CASR: variants seen among roughly 807,000 people sequenced by gnomAD.
CASR encodes calcium sensing receptor.
In CASR, 23 loss-of-function variants were observed where a neutral mutation model predicts 69.1. The observed-to-expected ratio is 0.33, with a 90% CI of 0.24 to 0.47. The LOEUF is 0.47. CASR is among the 20% of genes least tolerant of loss of function. The pLI, the probability that CASR is intolerant of heterozygous loss-of-function variation, is 1.00. For missense variants in CASR, 924 were observed against 1,356.1 expected, an observed-to-expected ratio of 0.68 and a Z score of 5.00; for synonymous variants, 541 against 544.7, an observed-to-expected ratio of 0.99 and a Z score of 0.10.
chr3:122,263,852 A>G (rs1264389076), intron 4 of CASR, among the ~76,000 whole-genome samples: 1 of 152,146 alleles, frequency 6.6e-6, no homozygotes, highest in Non-Finnish European at 1.5e-5. Context: ...AGGAGTGATG[A>G]TGCTAAGGTA....
At chr3:122,240,835 C>T (rs1182088763) in intron 1 of CASR, among the ~76,000 whole-genome samples, 1 of 152,006 alleles carries the variant, frequency 6.6e-6, no homozygotes, top group African/African-American at 2.4e-5. Context: ...CAAGCATTGT[C>T]TTTGACCACA....
chr3:122,205,634 T>G (rs896682582), intron 1 of CASR, among the ~76,000 whole-genome samples: 1 of 152,132 alleles, frequency 6.6e-6, no homozygotes, highest in Non-Finnish European at 1.5e-5. Flanking sequence ...GGGATTGCAT[T>G]GAATCTGTAA....
At chr3:122,231,957 T>C (rs1288209601) in intron 1 of CASR, among the ~76,000 whole-genome samples, 1 of 152,146 alleles carries the variant, frequency 6.6e-6, no homozygotes. Flanking sequence ...CTCCTGGCTG[T>C]GCACTGGCCT....
At chr3:122,277,382 C>T (rs1576871756) in intron 5 of CASR, among the ~76,000 whole-genome samples, 1 of 152,054 alleles carries the variant, frequency 6.6e-6, no homozygotes, top group Admixed American at 6.5e-5. Flanking sequence ...ACCAAAGACT[C>T]GCTTCGTCTT....
Position 122,257,236 on chromosome 3 carries a change from T to C in CASR, c.341T>C (p.Phe114Ser), listed in dbSNP as rs1553766245. 1 of 1,614,228 alleles carries C rather than the reference T, an allele frequency of 6.2e-7. No individual in the cohort carries two copies. Among genetic ancestry groups the C allele is most frequent in the Non-Finnish European group, 8.5e-7 (1 of 1,180,034 alleles). ...AAGGCCTTGGAAGCCACCCTGAGTT[T>C]TGTTGCTCAAAACAAAATTGATTCT... Reference protein sequence around the residue: ...VSKALEATLSFVAQNKIDSLN... With the variant: ...VSKALEATLSSVAQNKIDSLN... Residue 114 changes from phenylalanine (F) to serine (S), a missense_variant, in exon 3 of 7, where the codon TTT becomes TCT. Coordinates refer to ENST00000639785, the MANE Select transcript of CASR (RefSeq NM_000388.4).
rs766445416 is a variant in CASR, at chr3:122,284,524, T to C, written c.2570T>C (p.Ile857Thr). Residue 857 changes from isoleucine (I) to threonine (T), a missense_variant, in exon 7 of 7, where the codon ATC (isoleucine) becomes ACC (threonine). Physicochemically the swap from Ile to Thr is moderately conservative, Grantham distance 89. This residue lies in a region of CASR where 42 missense variants were observed against 73.2 expected (regional missense o/e 0.57). Transcript: ENST00000639785. Reference sequence around the variant, plus strand: ...CTGGCGTGCATCTTCTTCAACAAGATCTACATCATTCTCTTCAAGCCATCC... The same window carrying C: ...CTGGCGTGCATCTTCTTCAACAAGACCTACATCATTCTCTTCAAGCCATCC... ...GLLACIFFNK[I>T]YIILFKPSRN... is the part of the protein sequence containing the mutation. The C allele has an allele frequency of 1.3e-5, 21 of 1,613,558 alleles. No individual in the cohort carries two copies. The highest frequency in any genetic ancestry group is 1.6e-5 in the Non-Finnish European group (19 of 1,180,052).
intron 1 of CASR, among the ~76,000 whole-genome samples, chr3:122,201,945 A>G (rs951088395): frequency 1.4e-5 from 2 of 148,060 alleles, no homozygotes; most frequent in Non-Finnish European, 3.0e-5. Flanking sequence ...CTGGGCAGCC[A>G]GGCAGAGGGG....
intron 1 of CASR, among the ~76,000 whole-genome samples, chr3:122,230,576 T>C (rs762363919): frequency 2.8e-4 from 42 of 152,090 alleles, no homozygotes; most frequent in Middle Eastern, 3.4e-3. Context: ...TCTCTGTAGG[T>C]GGGAGGTGGG....
intron 4 of CASR, among the ~76,000 whole-genome samples, chr3:122,274,628 G>A (rs1649638945): frequency 6.6e-6 from 1 of 152,184 alleles, no homozygotes; most frequent in South Asian, 2.1e-4. Context: ...ATGGCTGGGC[G>A]CAGTGGCTCA....
At chr3:122,217,253 C>T (rs1035756108) in intron 1 of CASR, among the ~76,000 whole-genome samples, 35 of 152,094 alleles carry the variant, frequency 2.3e-4, no homozygotes, top group Non-Finnish European at 4.7e-4. Context: ...CACATGCCAC[C>T]ATGCCCGGTT....
Position 122,201,001 on chromosome 3 carries a change from T to A in CASR, c.-243+17189T>A, listed in dbSNP as rs1163203711. Among the ~76,000 whole-genome samples, 10 of 64,016 alleles carry A rather than the reference T, an allele frequency of 1.6e-4. No individual in the cohort carries two copies. The East Asian group carries it at 2.3e-3, about 14-fold the overall frequency. The allele number at this position is 64,016 out of a possible 152,430, so 42.0% of individuals were successfully genotyped here. ...CTTTTGCCCATTGCTTTTCTTTTTT[T>A]TTTATTTTTTTTTTTTTTATTGATC... On this transcript the variant is annotated intron_variant, in intron 1 of 6. Coordinates refer to ENST00000639785, the MANE Select transcript of CASR (RefSeq NM_000388.4).
At chr3:122,222,155 G>A (rs1029725452) in intron 1 of CASR, among the ~76,000 whole-genome samples, 2 of 152,154 alleles carry the variant, frequency 1.3e-5, no homozygotes, top group African/African-American at 4.8e-5. Context: ...ACAAGATAAA[G>A]GGGACTGGAA....
intron 1 of CASR, among the ~76,000 whole-genome samples, chr3:122,249,167 T>G (rs2074457381): frequency 6.6e-6 from 1 of 152,250 alleles, no homozygotes; most frequent in Admixed American, 6.5e-5. Flanking sequence ...TGCTGGGTGC[T>G]AGGCAACAAT....
chr3:122,199,044 T>C (rs2073917275), intron 1 of CASR, among the ~76,000 whole-genome samples: 3 of 152,228 alleles, frequency 2.0e-5, no homozygotes, highest in Non-Finnish European at 4.4e-5. Flanking sequence ...CATATTCAGT[T>C]CATTATGCTA....
chr3:122,202,388 A>G (rs13072670), intron 1 of CASR, among the ~76,000 whole-genome samples: 135,665 of 150,830 alleles, frequency 0.9, 61,662 homozygotes, highest in Admixed American at 0.93. Context: ...GCTTCGGCTC[A>G]GCATCAGAGG....
intron 1 of CASR, 71 bp from the exon 2 acceptor site, chr3:122,253,876 CT>C (rs1390936757): frequency 5.3e-6 from 2 of 374,438 alleles, no homozygotes; most frequent in Non-Finnish European, 1.0e-5. Context: ...TCTGAGCCAC[CT>C]TAGTTGCAGT....
At chr3:122,206,051 T>A (rs991341767) in intron 1 of CASR, among the ~76,000 whole-genome samples, 12 of 152,072 alleles carry the variant, frequency 7.9e-5, no homozygotes, top group Admixed American at 7.9e-4. Flanking sequence ...CCTATTTGGA[T>A]GTTCTTTATT....
At chr3:122,249,838 A>G (rs887506422) in intron 1 of CASR, among the ~76,000 whole-genome samples, 1 of 152,242 alleles carries the variant, frequency 6.6e-6, no homozygotes, top group Admixed American at 6.5e-5. Context: ...GAAAAAATAT[A>G]TATAATAACA....
chr3:122,241,901 T>C (rs2074382475), intron 1 of CASR, among the ~76,000 whole-genome samples: 1 of 152,062 alleles, frequency 6.6e-6, no homozygotes. Context: ...GTGTGATACA[T>C]CATAACAACA....
Sources: allele counts gnomAD v4.1 joint callset (sites outside exome capture counted in the v4.1 genomes callset), GRCh38; gene constraint gnomAD v4.1.1; regional missense constraint gnomAD v4.1.1; transcripts MANE v1.5; gene names NCBI Gene and HGNC (gene_info 2026-07-23, HGNC 2026-07-21).